The following FGD4 variants were observed in gnomAD, a reference collection of about 807,000 sequenced individuals.
FGD4 encodes FYVE, RhoGEF and PH domain-containing protein 4.
Under a neutral mutation model 102.0 loss-of-function variants are expected in FGD4, and 42 were observed. The ratio of observed to expected loss-of-function variants is 0.41; its 90% CI spans 0.32 to 0.53. FGD4 has a LOEUF of 0.53. FGD4 is among the 20% of genes least tolerant of loss of function. The pLI is 0.21. For missense variants in FGD4, 902 were observed against 1,078.2 expected (o/e 0.84, Z 2.29); for synonymous variants, 380 against 375.7 (o/e 1.01, Z -0.13).
chr12:32,590,264 C>T (rs1478226352), intron 4 of FGD4, among the ~76,000 whole-genome samples: 3 of 147,200 alleles, frequency 2.0e-5, no homozygotes, highest in African/African-American at 7.6e-5. Flanking sequence ...GAGCCGAGAT[C>T]GCGCCATCGC....
At chr12:32,559,605 T>A (rs1372486960) in intron 1 of FGD4, among the ~76,000 whole-genome samples, 1 of 152,260 alleles carries the variant, frequency 6.6e-6, no homozygotes, top group Admixed American at 6.5e-5. Context: ...TTGATGAACT[T>A]ATTTTAAAAA....
chr12:32,533,571 G>A (rs1418807665), intron 1 of FGD4, among the ~76,000 whole-genome samples: 1 of 152,102 alleles, frequency 6.6e-6, no homozygotes, highest in Non-Finnish European at 1.5e-5. Context: ...GATTACAGGT[G>A]CATGCCACCA....
In FGD4 at chr12:32,460,702, A is replaced by G. The variant is rs146337045; in HGVS notation, c.166+60743A>G. On this transcript the variant is annotated intron_variant, in intron 1 of 16. Coordinates refer to ENST00000534526, the MANE Select transcript of FGD4 (RefSeq NM_001370298.3). ...GCAAAGAAAGATTGGTCATTTGAGG[A>G]TTGGTTTAGATTCTAGTAGGTACCA... Among the ~76,000 whole-genome samples, 340 of 152,244 alleles carry G rather than the reference A, an allele frequency of 2.2e-3. 3 individuals carry two copies. Among genetic ancestry groups the G allele is most frequent in the African/African-American group, 7.9e-3 (329 of 41,554 alleles).
At chr12:32,498,592 T>C (rs1937963177) in intron 1 of FGD4, among the ~76,000 whole-genome samples, 1 of 151,988 alleles carries the variant, frequency 6.6e-6, no homozygotes, top group Non-Finnish European at 1.5e-5. Context: ...AAGGTAGTTA[T>C]TGGTTTTTTG....
intron 1 of FGD4, chr12:32,501,927 G>T (rs1241197596): frequency 2.0e-5 from 11 of 547,348 alleles, no homozygotes; most frequent in Non-Finnish European, 2.6e-5. Context: ...GGGTAAATTT[G>T]CTGGAAAGCT....
At position 32,644,013 on chromosome 12, in the gene FGD4, T is replaced by C. The variant is rs982901617; in HGVS notation, c.*3480T>C. 2 of 152,200 alleles carry C rather than the reference T, an allele frequency of 1.3e-5. No homozygotes were observed. The highest frequency in any genetic ancestry group is 2.9e-5 in the Non-Finnish European group (2 of 67,998). 9.4% of individuals were successfully genotyped at this position (152,200 alleles called of 1,614,324 possible). ...TAGGGAACAAGCGTCTTGGGTTTTA[T>C]AGGTATCTTTGCTATAATGCAGAAT... On this transcript the variant is annotated 3_prime_UTR_variant, in exon 17 of 17. Coordinates refer to ENST00000534526, the MANE Select transcript of FGD4 (RefSeq NM_001370298.3).
intron 1 of FGD4, among the ~76,000 whole-genome samples, chr12:32,513,399 G>A (rs1448195436): frequency 6.6e-6 from 1 of 152,204 alleles, no homozygotes; most frequent in African/African-American, 2.4e-5. Context: ...AGTCTAAACT[G>A]TAAGTCAGGT....
intron 1 of FGD4, among the ~76,000 whole-genome samples, chr12:32,526,937 G>A (rs1941300275): frequency 1.3e-5 from 2 of 152,072 alleles, no homozygotes; most frequent in South Asian, 2.1e-4. Flanking sequence ...TACGTCGCAT[G>A]AATATACTTT....
intron 1 of FGD4, among the ~76,000 whole-genome samples, chr12:32,455,900 G>T (rs959440569): frequency 1.3e-5 from 2 of 152,018 alleles, no homozygotes; most frequent in African/African-American, 4.8e-5. Context: ...TATTTTCTTT[G>T]TGAATACTTA....
intron 1 of FGD4, among the ~76,000 whole-genome samples, chr12:32,494,990 T>C (rs1409579223): frequency 1.3e-5 from 2 of 152,146 alleles, no homozygotes; most frequent in Non-Finnish European, 2.9e-5. Flanking sequence ...GTAAGAGGCT[T>C]CTGTGTTCTT....
rs116999845 is a variant in FGD4 at position 32,415,131 on chromosome 12, G to A, written c.166+15172G>A. Among the ~76,000 whole-genome samples, 475 of 152,110 alleles carry A rather than the reference G, an allele frequency of 3.1e-3. 1 individual carries two copies. Among genetic ancestry groups the A allele is most frequent in the Non-Finnish European group, 5.3e-3 (361 of 67,990 alleles). ...TATTTATTTGTAGCTTTATTTCATT[G>A]TGGTCAGAGAAGATGCTTGCTATTA... is the stretch of plus-strand genomic sequence containing the variant. On this transcript the variant is annotated intron_variant, in intron 1 of 16. Coordinates refer to ENST00000534526, the MANE Select transcript of FGD4 (RefSeq NM_001370298.3).
chr12:32,625,821 A>T (rs201917762), intron 14 of FGD4, 42 bp downstream of exon 14: 52 of 1,612,472 alleles, frequency 3.2e-5, no homozygotes, highest in Non-Finnish European at 4.2e-5. Context: ...TAGTAACTAT[A>T]TAAGTGATGT....
rs577397376 is a variant in FGD4 at position 32,535,109 on chromosome 12, C to G, written c.167-29028C>G. Among the ~76,000 whole-genome samples, 9 of 152,260 alleles carry G rather than the reference C, an allele frequency of 5.9e-5. No homozygotes were observed. The East Asian group carries it at 1.3e-3, about 23-fold the overall frequency. On this transcript the variant is annotated intron_variant, in intron 1 of 16. Transcript: ENST00000534526. Reference sequence around the variant, plus strand: ...AGAGCATATTAATGAGAAATTGAGTCTTTGAAATAGAAATGTAATTCAACT... The same window carrying G: ...AGAGCATATTAATGAGAAATTGAGTGTTTGAAATAGAAATGTAATTCAACT...
chr12:32,433,912 G>T (rs1438456693), intron 1 of FGD4, among the ~76,000 whole-genome samples: 1 of 151,982 alleles, frequency 6.6e-6, no homozygotes, highest in Non-Finnish European at 1.5e-5. Context: ...CTGGAGTGCA[G>T]TGGCGTGATC....
chr12:32,426,750 T>C (rs1941851106), intron 1 of FGD4, among the ~76,000 whole-genome samples: 1 of 152,196 alleles, frequency 6.6e-6, no homozygotes, highest in Admixed American at 6.6e-5. Context: ...GAACTTATTA[T>C]TGGTCTATTC....
intron 15 of FGD4, among the ~76,000 whole-genome samples, chr12:32,634,138 A>G (rs1950656957): frequency 6.6e-6 from 1 of 152,208 alleles, no homozygotes; most frequent in Non-Finnish European, 1.5e-5. Flanking sequence ...TTGGTTGCAT[A>G]GAAAAGGGGG....
chr12:32,498,121 C>T (rs1460924278), intron 1 of FGD4, among the ~76,000 whole-genome samples: 5 of 152,220 alleles, frequency 3.3e-5, no homozygotes, highest in Non-Finnish European at 5.9e-5. Context: ...AGGGAGTTGT[C>T]GTTGGACTTT....
At chr12:32,599,738 C>T (rs539551939) in intron 5 of FGD4, among the ~76,000 whole-genome samples, 26 of 150,920 alleles carry the variant, frequency 1.7e-4, no homozygotes, top group Non-Finnish European at 2.4e-4. Context: ...TTAGTAGAGA[C>T]GGGGTTTCAC....
In FGD4 at chr12:32,416,901, CT is replaced by C. The variant is rs746296505; in HGVS notation, c.166+16955del. On this transcript the variant is annotated intron_variant, in intron 1 of 16. Coordinates refer to ENST00000534526, the MANE Select transcript of FGD4 (RefSeq NM_001370298.3). ...TTAACGTCCTTTTCTTTTTCTTTTT[CT>C]TTTTTTTTTTTTGAGATGGAGTCTT... Among the ~76,000 whole-genome samples the C allele has an allele frequency of 2.0e-3, 284 of 142,580 alleles. 3 individuals are homozygous for C. In the South Asian group the frequency reaches 0.023, roughly 11 times the overall value. 93.5% of individuals were successfully genotyped at this position (142,580 alleles called of 152,430 possible). A position where few individuals can be genotyped will look rare whatever the true frequency, so the allele number is the denominator to read the frequency against.
Sources: gnomAD v4.1 joint callset for allele counts (sites outside exome capture counted in the v4.1 genomes callset) on GRCh38, gnomAD v4.1.1 for gene constraint, MANE v1.5 for transcripts, NCBI Gene and HGNC (gene_info 2026-07-23, HGNC 2026-07-21) for gene names.